Variants in LITAF observed in about 807,000 individuals in gnomAD.
LITAF encodes lipopolysaccharide-induced tumor necrosis factor-alpha factor.
In LITAF, 9 loss-of-function variants were observed where a neutral mutation model predicts 14.5. The ratio of observed to expected loss-of-function variants is 0.62; its 90% CI spans 0.37 to 1.08. The LOEUF (loss-of-function observed/expected upper bound fraction) is 1.08, where lower values mean the gene tolerates loss of function less well. LITAF is among the 50% of genes least tolerant of loss of function. The pLI is 0.01. For missense variants in LITAF, 206 were observed against 213.4 expected (o/e 0.97, Z 0.22); for synonymous variants, 98 against 88.2 (o/e 1.11, Z -0.62).
At chr16:11,635,438 C>T (rs1426319209) in intron 2 of LITAF, among the ~76,000 whole-genome samples, 1 of 152,220 alleles carries the variant, frequency 6.6e-6, no homozygotes, top group Non-Finnish European at 1.5e-5. Flanking sequence ...CCTGGCTCAC[C>T]TTTGTCCAGG....
chr16:11,624,881 A>C (rs1441528707), intron 3 of LITAF, among the ~76,000 whole-genome samples: 9 of 152,146 alleles, frequency 5.9e-5, no homozygotes, highest in Admixed American at 6.5e-5. Context: ...GCTAAGACTT[A>C]AGAGGCTTAG....
intron 3 of LITAF, among the ~76,000 whole-genome samples, chr16:11,630,433 A>T (rs907038296): frequency 2.5e-4 from 38 of 151,994 alleles, no homozygotes; most frequent in Non-Finnish European, 4.7e-4. Context: ...TCTGGCGGGG[A>T]CACCTCTTGG....
At chr16:11,572,575 T>C (rs2064562153) in intron 1 of LITAF, among the ~76,000 whole-genome samples, 1 of 152,058 alleles carries the variant, frequency 6.6e-6, no homozygotes, top group African/African-American at 2.4e-5. Context: ...CTCTGTGGCC[T>C]TCCTCCCCTA....
At chr16:11,608,966 AC>A (rs933292318) in intron 3 of LITAF, among the ~76,000 whole-genome samples, 2 of 81,558 alleles carry the variant, frequency 2.5e-5, no homozygotes, top group African/African-American at 4.4e-5. Flanking sequence ...CACAAAAAAA[AC>A]AAAACAAACA....
chr16:11,548,343 T>C lies in LITAF; in HGVS notation c.*1294A>G, dbSNP rs1274354256. The C allele has an allele frequency of 8.8e-6, 4 of 454,114 alleles. No homozygotes were observed. The highest frequency in any genetic ancestry group is 4.7e-5 in the South Asian group (3 of 64,474). The allele number at this position is 454,114 out of a possible 1,614,324, so 28.1% of individuals were successfully genotyped here. A position where few individuals can be genotyped will look rare whatever the true frequency, so the allele number is the denominator to read the frequency against. On this transcript the variant is annotated 3_prime_UTR_variant, in exon 4 of 4. Transcript: ENST00000622633. ...GAGTCCTAGAAATCATGTCTTCTCA[T>C]GTTTTACAACAAGCTGTGTCTCTGA...
chr16:11,566,353 C>G (rs538311017), intron 1 of LITAF, among the ~76,000 whole-genome samples: 1 of 152,116 alleles, frequency 6.6e-6, no homozygotes, highest in Non-Finnish European at 1.5e-5. Flanking sequence ...GGTGCTAAAT[C>G]TAGGAAAGTC....
chr16:11,556,580 G>T lies in LITAF; in HGVS notation c.151C>A (p.Pro51Thr), dbSNP rs752978718. The T allele has an allele frequency of 2.5e-6, 4 of 1,614,182 alleles. No homozygotes were observed. The South Asian group carries it at 3.3e-5, about 13-fold the overall frequency. The change falls in exon 2 of 4, where the codon CCT (proline) becomes ACT (threonine). Residue 51 changes from proline to threonine, a missense_variant. By Grantham distance (38) the Pro-to-Thr change is conservative. Coordinates refer to ENST00000622633, the MANE Select transcript of LITAF (RefSeq NM_001136472.2). The stretch of plus-strand genomic sequence containing the variant: ...GGAGGATTCATGCCCTTCCCATCAG[G>T]CCCCGTCACAAGCCCCGTAGTTGGC... ...PGPTTGLVTG[P>T]DGKGMNPPSY...
chr16:11,550,046 G>T (rs1427861594), intron 3 of LITAF, among the ~76,000 whole-genome samples: 1 of 152,152 alleles, frequency 6.6e-6, no homozygotes, highest in African/African-American at 2.4e-5. Context: ...GCTGGAGGAG[G>T]CAAAAAATGA....
chr16:11,575,154 G>A (rs2141809850), intron 1 of LITAF, among the ~76,000 whole-genome samples: 1 of 152,166 alleles, frequency 6.6e-6, no homozygotes, highest in Middle Eastern at 3.4e-3. Flanking sequence ...CCTCCAGGGG[G>A]TTCTAAACAC....
intron 1 of LITAF, among the ~76,000 whole-genome samples, chr16:11,561,759 G>A (rs2064370108): frequency 6.6e-6 from 1 of 151,922 alleles, no homozygotes; most frequent in Admixed American, 6.6e-5. Context: ...CTTATCTCCT[G>A]GGATAAGAGG....
intron 3 of LITAF, among the ~76,000 whole-genome samples, chr16:11,609,188 T>C (rs1303255853): frequency 6.6e-6 from 1 of 151,318 alleles, no homozygotes; most frequent in Admixed American, 6.6e-5. Context: ...TTCTATAAAC[T>C]AAAAGCCTTT....
At chr16:11,610,298 G>A (rs1194581932) in intron 3 of LITAF, among the ~76,000 whole-genome samples, 1 of 152,224 alleles carries the variant, frequency 6.6e-6, no homozygotes, top group Non-Finnish European at 1.5e-5. Flanking sequence ...TGCCCCCGCA[G>A]GCTCCAGGCC....
chr16:11,559,825 T>C (rs1210414079), intron 1 of LITAF, among the ~76,000 whole-genome samples: 3 of 147,688 alleles, frequency 2.0e-5, no homozygotes, highest in African/African-American at 7.5e-5. Context: ...GGAGACACTG[T>C]CTCTACAAAA....
At chr16:11,600,272 C>G (rs1388020544), upstream of LITAF, among the ~76,000 whole-genome samples, 1 of 152,222 alleles carries the variant, frequency 6.6e-6, no homozygotes, top group Non-Finnish European at 1.5e-5. The surrounding 1 kb of genome is among the most constrained non-coding windows in gnomAD (Gnocchi z 4.1). Flanking sequence ...CCACTGCATT[C>G]GGCCACATTT....
rs58855194 is a variant in LITAF, at chr16:11,627,307, C to A, written c.85+6226G>T. On this transcript the variant is annotated intron_variant, in intron 3 of 3. Transcript: ENST00000574848. Reference sequence around the variant, plus strand: ...AAAACCCGGAGCTGCCCAGCACCATCTTTGCCAGCAGGTAGAGCAAGCCCA... The same window carrying A: ...AAAACCCGGAGCTGCCCAGCACCATATTTGCCAGCAGGTAGAGCAAGCCCA... 4.3e-3 allele frequency among the ~76,000 whole-genome samples: 655 copies of A among 152,316 alleles called. 3 individuals are homozygous for A. Among genetic ancestry groups the A allele is most frequent in the African/African-American group, 0.015 (629 of 41,566 alleles).
At chr16:11,575,169 G>C (rs2064611597) in intron 1 of LITAF, among the ~76,000 whole-genome samples, 1 of 152,094 alleles carries the variant, frequency 6.6e-6, no homozygotes, top group Non-Finnish European at 1.5e-5. Flanking sequence ...AAACACCAAT[G>C]GTGGACAAAG....
chr16:11,620,764 G>C (rs1285933696), intron 3 of LITAF, among the ~76,000 whole-genome samples: 1 of 152,254 alleles, frequency 6.6e-6, no homozygotes, highest in East Asian at 1.9e-4. Context: ...ACAATAGGGA[G>C]TGGTGGGGAC....
intron 1 of LITAF, among the ~76,000 whole-genome samples, chr16:11,565,217 G>C (rs1399163515): frequency 6.6e-6 from 1 of 151,472 alleles, no homozygotes; most frequent in Non-Finnish European, 1.5e-5. Flanking sequence ...CTAATAGCTG[G>C]GATTACAGGT....
intron 3 of LITAF, among the ~76,000 whole-genome samples, chr16:11,610,070 T>C (rs2064974459): frequency 2.0e-5 from 3 of 152,330 alleles, no homozygotes; most frequent in African/African-American, 7.2e-5. Flanking sequence ...CTGCTCCTGA[T>C]GGCTTTGGGG....
Sources: gnomAD v4.1 joint callset for allele counts (sites outside exome capture counted in the v4.1 genomes callset) on GRCh38, gnomAD v4.1.1 for gene constraint, Gnocchi (gnomAD v3.1) non-coding constraint, MANE v1.5 for transcripts, NCBI Gene and HGNC (gene_info 2026-07-23, HGNC 2026-07-21) for gene names.